The following CDH12 variants were observed in gnomAD, a reference collection of about 807,000 sequenced individuals.
CDH12 encodes the protein cadherin 12, also known as cadherin-12.
Under a neutral mutation model 74.1 loss-of-function variants are expected in CDH12, and 41 were observed. That is an observed-to-expected ratio of 0.55 (90% CI 0.43 to 0.72). The LOEUF (loss-of-function observed/expected upper bound fraction) is 0.72. CDH12 is among the 30% of genes least tolerant of loss of function. The pLI is 0.00. For synonymous variants in CDH12, 399 were observed against 355.0 expected, an observed-to-expected ratio of 1.12 and a Z score of -1.39; for missense variants, 945 against 977.2, an observed-to-expected ratio of 0.97 and a Z score of 0.44.
chr5:22,566,969 T>C (rs943479359), intron 1 of CDH12, among the ~76,000 whole-genome samples: 2 of 152,212 alleles, frequency 1.3e-5, no homozygotes, highest in South Asian at 4.1e-4. Flanking sequence ...CCATTTGGTT[T>C]TGGGACAAAC....
intron 4 of CDH12, among the ~76,000 whole-genome samples, chr5:22,173,391 AAATATTAAT>A (rs1355010495): frequency 1.0e-4 from 8 of 79,882 alleles, no homozygotes; most frequent in Admixed American, 1.4e-4. Flanking sequence ...TATATAATAT[AAATATTAAT>A]AAATATTAAT....
At chr5:22,543,580 T>G (rs972773554) in intron 1 of CDH12, among the ~76,000 whole-genome samples, 4 of 152,130 alleles carry the variant, frequency 2.6e-5, no homozygotes, top group African/African-American at 9.6e-5. Flanking sequence ...ACCCAAGAAG[T>G]AAATGTTGTG....
At position 21,842,195 on chromosome 5, in the gene CDH12, G is replaced by T. The variant is rs76592602; in HGVS notation, c.780C>A (p.Thr260=). The change falls in exon 8 of 15, where the codon ACC becomes ACA. Residue 260 remains threonine (T), a synonymous_variant. Coordinates refer to ENST00000382254, the MANE Select transcript of CDH12 (RefSeq NM_004061.5). ...AGTTIVNITL[T]DVNDNPPRFP... The stretch of plus-strand genomic sequence containing the variant: ...ATCGAGGTGGATTGTCATTGACATC[G>T]GTGAGAGTGATGTTGACTATTGTTG... 5 of 1,612,816 alleles carry T rather than the reference G, an allele frequency of 3.1e-6. No individual in the cohort carries two copies. The East Asian group carries it at 8.9e-5, about 29-fold the overall frequency.
chr5:21,775,179 A>G (rs1431056690), intron 11 of CDH12, among the ~76,000 whole-genome samples: 1 of 152,180 alleles, frequency 6.6e-6, no homozygotes, highest in Non-Finnish European at 1.5e-5. Context: ...CTTTTTTGAA[A>G]ACAAGTCTGG....
intron 3 of CDH12, among the ~76,000 whole-genome samples, chr5:22,371,187 C>G (rs921000018): frequency 2.6e-5 from 4 of 152,054 alleles, no homozygotes; most frequent in African/African-American, 9.7e-5. Context: ...TGTAATTTGT[C>G]TAGGTGCCAC....
At chr5:21,956,784 T>A (rs1459194829) in intron 6 of CDH12, among the ~76,000 whole-genome samples, 1 of 152,234 alleles carries the variant, frequency 6.6e-6, no homozygotes, top group Non-Finnish European at 1.5e-5. Flanking sequence ...AGTGTTCTTA[T>A]TAAGCATTAT....
chr5:22,453,325 G>A (rs1428652415), intron 2 of CDH12, among the ~76,000 whole-genome samples: 1 of 152,080 alleles, frequency 6.6e-6, no homozygotes, highest in Non-Finnish European at 1.5e-5. Flanking sequence ...CAAAAAATGA[G>A]ATCAACCTAA....
intron 3 of CDH12, among the ~76,000 whole-genome samples, chr5:22,282,419 C>T (rs1207277154): frequency 6.6e-6 from 1 of 152,156 alleles, no homozygotes; most frequent in Non-Finnish European, 1.5e-5. Context: ...TAAAGAGCTT[C>T]TGCACAGCAA....
At chr5:22,053,672 G>T (rs564730783) in intron 5 of CDH12, among the ~76,000 whole-genome samples, 1 of 152,178 alleles carries the variant, frequency 6.6e-6, no homozygotes, top group African/African-American at 2.4e-5. Context: ...TCTAGGGGGT[G>T]CTGAGATAAT....
At chr5:22,335,972 T>C (rs557245429) in intron 3 of CDH12, among the ~76,000 whole-genome samples, 2 of 152,216 alleles carry the variant, frequency 1.3e-5, no homozygotes, top group South Asian at 2.1e-4. Flanking sequence ...AGAGACTTAC[T>C]GAATGGCTTT....
intron 1 of CDH12, among the ~76,000 whole-genome samples, chr5:22,633,455 T>C (rs1323005389): frequency 1.3e-5 from 2 of 152,192 alleles, no homozygotes; most frequent in Non-Finnish European, 2.9e-5. Flanking sequence ...CTTTACTGGG[T>C]CACAGGATTC....
chr5:22,681,365 T>C (rs759010436), intron 1 of CDH12, among the ~76,000 whole-genome samples: 16 of 151,802 alleles, frequency 1.1e-4, no homozygotes, highest in Admixed American at 2.6e-4. Flanking sequence ...CCATGTTTCA[T>C]TTTTTTCCTA....
At chr5:22,758,589 C>G (rs1332516050) in intron 1 of CDH12, among the ~76,000 whole-genome samples, 1 of 151,172 alleles carries the variant, frequency 6.6e-6, no homozygotes, top group Admixed American at 6.6e-5. Context: ...ATTTTCTCAG[C>G]ATAAAAATAA....
chr5:22,687,427 A>T (rs151054883), intron 1 of CDH12, among the ~76,000 whole-genome samples: 1,559 of 152,130 alleles, frequency 0.01, 30 homozygotes, highest in African/African-American at 0.036. Context: ...GTTTTTTTTG[A>T]GACAGGGTCT....
intron 1 of CDH12, among the ~76,000 whole-genome samples, chr5:22,536,236 C>A (rs530480614): frequency 3.3e-5 from 5 of 152,172 alleles, no homozygotes; most frequent in Non-Finnish European, 7.4e-5. Context: ...ACTGACCTTG[C>A]GAAGCAATCT....
chr5:22,395,586 T>A (rs1031836457), intron 3 of CDH12, among the ~76,000 whole-genome samples: 3 of 152,136 alleles, frequency 2.0e-5, no homozygotes, highest in Non-Finnish European at 4.4e-5. Flanking sequence ...AAGTTTTGTA[T>A]ACAAAACTGG....
intron 1 of CDH12, among the ~76,000 whole-genome samples, chr5:22,777,092 T>C (rs777491887): frequency 6.6e-6 from 1 of 152,134 alleles, no homozygotes; most frequent in Non-Finnish European, 1.5e-5. Flanking sequence ...GATAACTTTA[T>C]GTTTAAGAGA....
intron 4 of CDH12, among the ~76,000 whole-genome samples, chr5:22,148,018 A>T (rs370526856): frequency 2.6e-5 from 4 of 152,212 alleles, no homozygotes; most frequent in African/African-American, 9.7e-5. Flanking sequence ...ATCCTAAAGT[A>T]CACAAACCAT....
At chr5:22,833,057 T>C (rs140476227) in intron 1 of CDH12, among the ~76,000 whole-genome samples, 3 of 152,344 alleles carry the variant, frequency 2.0e-5, no homozygotes, top group African/African-American at 7.2e-5. Flanking sequence ...AAGTTTTGCA[T>C]GCCTAACTTT....
Sources: allele counts gnomAD v4.1 joint callset (sites outside exome capture counted in the v4.1 genomes callset), GRCh38; gene constraint gnomAD v4.1.1; transcripts MANE v1.5; gene names NCBI Gene and HGNC (gene_info 2026-07-23, HGNC 2026-07-21).